The following CTBP2 variants were observed in gnomAD, a reference collection of about 807,000 sequenced individuals.
The protein encoded by CTBP2 is C-terminal-binding protein 2.
In CTBP2, 30 loss-of-function variants were observed where a neutral mutation model predicts 80.3. That is an observed-to-expected ratio of 0.37 (90% CI 0.28 to 0.51). CTBP2 has a LOEUF of 0.51. Ranked by LOEUF, CTBP2 falls within the 20% of genes least tolerant of loss-of-function variation. The probability of loss-of-function intolerance (pLI) is 0.93; values close to 1 mark genes in which losing one functional copy is unlikely to be tolerated. For missense variants in CTBP2, 1,212 were observed against 1,375.3 expected (o/e 0.88, Z 1.88); for synonymous variants, 594 against 587.4 (o/e 1.01, Z -0.16).
At chr10:125,012,221 G>A (rs1956005916) in intron 1 of CTBP2, among the ~76,000 whole-genome samples, 1 of 152,342 alleles carries the variant, frequency 6.6e-6, no homozygotes, top group Admixed American at 6.5e-5. Flanking sequence ...CCTGGGCTCC[G>A]GGAGGGAGGA....
Position 125,026,381 on chromosome 10 carries a change from CCT to C in CTBP2, c.1377_1378del (p.Val461GlyfsTer4), listed in dbSNP as rs1413255826. The C allele has an allele frequency of 1.2e-6, 2 of 1,612,092 alleles. No individual in the cohort carries two copies. Among genetic ancestry groups the C allele is most frequent in the East Asian group, 4.5e-5 (2 of 44,780 alleles). The stretch of plus-strand genomic sequence containing the variant: ...GGGGCCCGGGTTAGTCAAGGCCACC[CCT>C]GCCTGCAGGGGGTACGTGGGGCTCA... On this transcript the variant is annotated frameshift_variant, in exon 1 of 9. Coordinates refer to ENST00000309035, the MANE Select transcript of CTBP2 (RefSeq NM_022802.3). LOFTEE classifies it high-confidence loss of function.
At chr10:125,005,856 T>TTCAG in intron 1 of CTBP2, 1 of 1,572,314 alleles carries the variant, frequency 6.4e-7, no homozygotes. Flanking sequence ...CAACTTCACT[T>TTCAG]TCAGGGGTGC....
intron 2 of CTBP2, among the ~76,000 whole-genome samples, chr10:125,048,083 C>T (rs764812304): frequency 1.2e-4 from 19 of 152,034 alleles, no homozygotes; most frequent in Non-Finnish European, 2.2e-4. Context: ...CTCTTGACAC[C>T]GTAGGGTCCA....
chr10:125,040,641 C>A (rs1052897772), intron 2 of CTBP2, among the ~76,000 whole-genome samples: 4 of 147,344 alleles, frequency 2.7e-5, no homozygotes, highest in African/African-American at 1.0e-4. Context: ...AAGTGGTTCT[C>A]AGTGATCTAG....
rs139183786 is a variant in CTBP2 at position 125,108,741 on chromosome 10, G to C, written c.-102+2249C>G. Among the ~76,000 whole-genome samples the C allele has an allele frequency of 6.1e-3, 930 of 152,352 alleles. 10 individuals carry two copies. The highest frequency in any genetic ancestry group is 0.021 in the African/African-American group (890 of 41,582). ...GGCTGGGCGGGGAGCAGGTGGGCCA[G>C]TGGGGCCACACTCAGTGTGTGCGTG... On this transcript the variant is annotated intron_variant, in intron 2 of 10. Transcript: ENST00000337195.
At chr10:125,050,443 G>A (rs74525149) in intron 2 of CTBP2, among the ~76,000 whole-genome samples, 3,131 of 152,296 alleles carry the variant, frequency 0.021, 112 homozygotes, top group African/African-American at 0.071. Flanking sequence ...CGGTTTTCAC[G>A]TGGAAGACGG....
rs138649990 is a variant in CTBP2 at position 125,026,978 on chromosome 10, C to T, written c.782G>A (p.Arg261Gln). The T allele has an allele frequency of 2.4e-5, 39 of 1,614,014 alleles. No homozygotes were observed. In the African/African-American group the frequency reaches 3.2e-4, roughly 13 times the overall value. Reference sequence around the variant, plus strand: ...AGCCATCTTGGATGGGATGCTTTCCCGGGCAGGCCCGTAGCCACGATTCAG... The same window carrying T: ...AGCCATCTTGGATGGGATGCTTTCCTGGGCAGGCCCGTAGCCACGATTCAG... The change falls in exon 1 of 9, where the codon CGG becomes CAG. Residue 261 changes from arginine (R) to glutamine (Q), a missense_variant. Arg to Gln is a conservative substitution (Grantham distance 43). Coordinates refer to ENST00000309035, the MANE Select transcript of CTBP2 (RefSeq NM_022802.3).
intron 1 of CTBP2, among the ~76,000 whole-genome samples, chr10:125,122,242 G>A (rs1026127628): frequency 3.6e-4 from 55 of 152,234 alleles, no homozygotes; most frequent in African/African-American, 1.3e-3. Context: ...TGGAAAGAAT[G>A]GACAACCTTT....
chr10:125,151,395 G>A (rs1223815071), intron 1 of CTBP2, among the ~76,000 whole-genome samples: 2 of 152,172 alleles, frequency 1.3e-5, no homozygotes, highest in Non-Finnish European at 2.9e-5. Context: ...TTCTGCTGAA[G>A]GTCTCAGTGG....
chr10:125,040,061 A>G (rs532140596), intron 2 of CTBP2, among the ~76,000 whole-genome samples: 1 of 152,254 alleles, frequency 6.6e-6, no homozygotes, highest in East Asian at 1.9e-4. Context: ...ACTGTCACCA[A>G]TGTGCCCGGT....
intron 8 of CTBP2, among the ~76,000 whole-genome samples, chr10:124,990,511 A>G (rs1952462593): frequency 6.6e-6 from 1 of 152,212 alleles, no homozygotes; most frequent in Non-Finnish European, 1.5e-5. Flanking sequence ...ATTAGCCCAT[A>G]CTATTTATGA....
chr10:125,053,266 T>C (rs1231538163), intron 2 of CTBP2, among the ~76,000 whole-genome samples: 1 of 151,780 alleles, frequency 6.6e-6, no homozygotes, highest in Non-Finnish European at 1.5e-5. Context: ...CCAGGAAGGA[T>C]CCAGTGCATT....
chr10:125,036,287 T>C (rs892708958), intron 3 of CTBP2, among the ~76,000 whole-genome samples: 14 of 151,958 alleles, frequency 9.2e-5, no homozygotes, highest in African/African-American at 3.1e-4. Flanking sequence ...TCCAGCGGAG[T>C]ACCTGGAGTG....
At chr10:125,084,460 T>A (rs1348587936) in intron 2 of CTBP2, among the ~76,000 whole-genome samples, 1 of 152,168 alleles carries the variant, frequency 6.6e-6, no homozygotes, top group Non-Finnish European at 1.5e-5. Flanking sequence ...CAGGAGGGGC[T>A]GGCCTCTAGG....
rs763525955 is a variant in CTBP2 at position 124,993,309 on chromosome 10, T to C, written c.2552A>G (p.Lys851Arg). ...AGTGCAGATGAGATTCGGGGCATCTTTCAACGGACCCTGAGCAAAGCTAGA... is the reference window on the plus strand; with the variant it reads ...AGTGCAGATGAGATTCGGGGCATCTCTCAACGGACCCTGAGCAAAGCTAGA... Residue 851 changes from lysine to arginine, a missense_variant, in exon 7 of 9, where the codon AAA becomes AGA. Transcript: ENST00000309035. 8.1e-6 allele frequency: 13 copies of C among 1,609,342 alleles called. No individual in the cohort carries two copies. The highest frequency in any genetic ancestry group is 1.0e-5 in the Non-Finnish European group (12 of 1,176,084).
At chr10:125,071,507 C>T (rs1162064763) in intron 2 of CTBP2, among the ~76,000 whole-genome samples, 10 of 152,110 alleles carry the variant, frequency 6.6e-5, no homozygotes, top group Non-Finnish European at 1.5e-4. Context: ...TGGAACAAGG[C>T]GAAGGGGTCC....
chr10:124,994,099 T>C lies in CTBP2; in HGVS notation c.2401-114A>G, dbSNP rs1215344009. ...GTTTTGTTGGTCTGGTGGTTTAATG[T>C]GTGTGCTGCAGTTTGAGGGAAGGGA... On this transcript the variant is annotated intron_variant, in intron 5 of 8. Transcript: ENST00000309035. The C allele has an allele frequency of 2.8e-6, 4 of 1,416,858 alleles. No individual in the cohort carries two copies. The East Asian group carries it at 6.9e-5, about 24-fold the overall frequency. 87.8% of individuals were successfully genotyped at this position (1,416,858 alleles called of 1,614,324 possible).
At chr10:125,135,017 C>A (rs545095868) in intron 1 of CTBP2, among the ~76,000 whole-genome samples, 2 of 152,174 alleles carry the variant, frequency 1.3e-5, no homozygotes, top group Non-Finnish European at 2.9e-5. Flanking sequence ...CAAACCTTCC[C>A]GTCATAGGCA....
chr10:125,063,668 A>G (rs903054382), intron 2 of CTBP2, among the ~76,000 whole-genome samples: 8 of 152,336 alleles, frequency 5.3e-5, no homozygotes, highest in South Asian at 4.1e-4. Flanking sequence ...CGCAAACTCA[A>G]TGGTGGTTTA....
Sources: allele counts gnomAD v4.1 joint callset (sites outside exome capture counted in the v4.1 genomes callset), GRCh38; gene constraint gnomAD v4.1.1; transcripts MANE v1.5; gene names NCBI Gene and HGNC (gene_info 2026-07-23, HGNC 2026-07-21).